TTC6: variants seen among roughly 807,000 people sequenced by gnomAD.
The protein encoded by TTC6 is tetratricopeptide repeat protein 6.
In TTC6, 172 loss-of-function variants were observed where a neutral mutation model predicts 210.4. The observed-to-expected ratio is 0.82, with a 90% CI of 0.72 to 0.93. The LOEUF is 0.93. TTC6 is among the 40% of genes least tolerant of loss of function. TTC6 has a pLI of 0.00. For synonymous variants in TTC6, 804 were observed against 819.6 expected (o/e 0.98, Z 0.32); for missense variants, 2,414 against 2,318.1 (o/e 1.04, Z -0.85).
intron 1 of TTC6, among the ~76,000 whole-genome samples, chr14:37,665,714 A>C (rs2095746632): frequency 6.6e-6 from 1 of 150,676 alleles, no homozygotes; most frequent in African/African-American, 2.4e-5. Context: ...TTGAAGAAAA[A>C]GGGCTATGTG....
chr14:37,721,179 T>C (rs996553837), intron 6 of TTC6, among the ~76,000 whole-genome samples: 2 of 152,076 alleles, frequency 1.3e-5, no homozygotes, highest in Admixed American at 6.6e-5. Context: ...CTTGTTGCAA[T>C]TGAAATCTGA....
At chr14:37,710,732 G>A (rs930213467) in intron 5 of TTC6, among the ~76,000 whole-genome samples, 2 of 151,992 alleles carry the variant, frequency 1.3e-5, no homozygotes, top group Non-Finnish European at 2.9e-5. Flanking sequence ...TCATTCCAAA[G>A]GCTCACTCTT....
chr14:37,668,744 A>G (rs1402766337), intron 1 of TTC6, among the ~76,000 whole-genome samples: 1 of 152,188 alleles, frequency 6.6e-6, no homozygotes, highest in African/African-American at 2.4e-5. Context: ...GAGGTGAAAA[A>G]TTGAGGCTGT....
At chr14:37,822,075 G>A (rs1383362418) in intron 26 of TTC6, among the ~76,000 whole-genome samples, 5 of 151,986 alleles carry the variant, frequency 3.3e-5, no homozygotes, top group East Asian at 1.9e-4. Flanking sequence ...CACCGTGCCC[G>A]GCCAGAGCTA....
chr14:37,804,436 T>C (rs948719102), intron 20 of TTC6, among the ~76,000 whole-genome samples: 1 of 152,226 alleles, frequency 6.6e-6, no homozygotes, highest in Non-Finnish European at 1.5e-5. Flanking sequence ...TCCATAAGCC[T>C]GCTTAAGTAC....
chr14:37,753,066 G>A (rs1395615081), intron 13 of TTC6, 33 bp from the exon 16 acceptor site: 3 of 1,461,024 alleles, frequency 2.1e-6, no homozygotes, highest in Non-Finnish European at 2.7e-6. Context: ...TTTTCATTTT[G>A]TGATGTTTAT....
chr14:37,604,226 C>T (rs1398424855), intron 1 of TTC6, among the ~76,000 whole-genome samples: 1 of 152,174 alleles, frequency 6.6e-6, no homozygotes, highest in Non-Finnish European at 1.5e-5. Context: ...CAGGACCCTG[C>T]CTGGAATTTC....
At chr14:37,764,977 A>G (rs2095994458) in intron 14 of TTC6, among the ~76,000 whole-genome samples, 1 of 149,146 alleles carries the variant, frequency 6.7e-6, no homozygotes, top group South Asian at 2.1e-4. Context: ...TTTCCTTCTC[A>G]TTTCTTTTAC....
At chr14:37,806,613 T>C in intron 22 of TTC6, 103 bp downstream of exon 24, 3 of 1,123,236 alleles carry the variant, frequency 2.7e-6, no homozygotes, top group Admixed American at 3.1e-5. Flanking sequence ...ATCAGTTTCT[T>C]ATACCTACTT....
chr14:37,736,943 AATGGGGTCTCAC>A, intron 8 of TTC6, among the ~76,000 whole-genome samples: 1 of 151,896 alleles, frequency 6.6e-6, no homozygotes, highest in South Asian at 2.1e-4. Flanking sequence ...TTTTTTTAGA[AATGGGGTCTCAC>A]TATGTTGCCC....
intron 14 of TTC6, among the ~76,000 whole-genome samples, chr14:37,768,481 C>T (rs2096006628): frequency 6.6e-6 from 1 of 152,138 alleles, no homozygotes; most frequent in Non-Finnish European, 1.5e-5. Context: ...TTTCATTGAG[C>T]AGTGGTTTGT....
At chr14:37,731,139 T>C (rs935606694) in intron 7 of TTC6, among the ~76,000 whole-genome samples, 54 of 152,328 alleles carry the variant, frequency 3.5e-4, no homozygotes, top group African/African-American at 1.2e-3. Flanking sequence ...GAGGGTCCTG[T>C]GAGGCTCTGG....
chr14:37,635,110 A>G (rs1288731256), intron 1 of TTC6, among the ~76,000 whole-genome samples: 4 of 152,224 alleles, frequency 2.6e-5, no homozygotes, highest in Admixed American at 1.3e-4. Flanking sequence ...TTGATGATTG[A>G]TGCTAGAATT....
At chr14:37,752,545 G>A (rs1319806199) in intron 13 of TTC6, among the ~76,000 whole-genome samples, 1 of 150,926 alleles carries the variant, frequency 6.6e-6, no homozygotes, top group African/African-American at 2.4e-5. Context: ...AAAATATTTG[G>A]TCATCTCCTT....
intron 1 of TTC6, among the ~76,000 whole-genome samples, chr14:37,657,204 C>A (rs1482259522): frequency 2.0e-5 from 2 of 98,396 alleles, no homozygotes; most frequent in Non-Finnish European, 3.7e-5. Context: ...ATGAGCGAAA[C>A]TCTGTCTCAA....
intron 22 of TTC6, 97 bp from the exon 25 acceptor site, chr14:37,807,223 G>T: frequency 8.9e-7 from 1 of 1,119,188 alleles, no homozygotes; most frequent in South Asian, 3.2e-5. Flanking sequence ...TACCCTTTTT[G>T]GGAGGCATAG....
At chr14:37,693,439 T>C (rs1296628104) in intron 3 of TTC6, among the ~76,000 whole-genome samples, 1 of 152,114 alleles carries the variant, frequency 6.6e-6, no homozygotes, top group Non-Finnish European at 1.5e-5. Context: ...ATGTGTATAC[T>C]ATCCAAAGCA....
At position 37,640,734 on chromosome 14, in the gene TTC6, G is replaced by A. The variant is rs146234950; in HGVS notation, c.939+17731G>A. 5.5e-4 allele frequency among the ~76,000 whole-genome samples: 83 copies of A among 152,186 alleles called. No homozygotes were observed. In the East Asian group the frequency reaches 0.013, roughly 24 times the overall value. On this transcript the variant is annotated intron_variant, in intron 1 of 30. Coordinates refer to ENST00000553443, the Ensembl canonical transcript of TTC6. ...ATTTTTGTATTTTTCGTAGAGATGG[G>A]GTTTTGCCATGTTGCCCAGGCTGGT...
At chr14:37,727,718 T>C (rs909833904) in intron 7 of TTC6, among the ~76,000 whole-genome samples, 5 of 150,406 alleles carry the variant, frequency 3.3e-5, no homozygotes, top group African/African-American at 9.8e-5. Flanking sequence ...TCATTTGCAG[T>C]GTCTTTATTT....
Sources: gnomAD v4.1 joint callset for allele counts (sites outside exome capture counted in the v4.1 genomes callset) on GRCh38, gnomAD v4.1.1 for gene constraint, MANE v1.5 for transcripts, NCBI Gene and HGNC (gene_info 2026-07-23, HGNC 2026-07-21) for gene names.